FBXL20: variants seen among roughly 807,000 people sequenced by gnomAD.
FBXL20 encodes F-box/LRR-repeat protein 20.
FBXL20 carries 11 observed loss-of-function variants against 64.0 expected under a neutral mutation model. That is an observed-to-expected ratio of 0.17 (90% CI 0.11 to 0.28). The LOEUF (loss-of-function observed/expected upper bound fraction) is 0.28. Among genes scored for constraint, FBXL20 ranks in the 10% least tolerant of loss-of-function variants. The pLI, the probability that FBXL20 is intolerant of heterozygous loss-of-function variation, is 1.00. For synonymous variants in FBXL20, 184 were observed against 189.0 expected, an observed-to-expected ratio of 0.97 and a Z score of 0.22; for missense variants, 303 against 526.2, an observed-to-expected ratio of 0.58 and a Z score of 4.15.
At chr17:39,270,710 T>A in intron 11 of FBXL20, 86 bp downstream of exon 11, 2 of 1,171,794 alleles carry the variant, frequency 1.7e-6, no homozygotes, top group Non-Finnish European at 2.4e-6. Flanking sequence ...CCATTTCACA[T>A]TTCCCTTGCT....
At chr17:39,273,752 G>C (rs1026327159) in intron 10 of FBXL20, among the ~76,000 whole-genome samples, 1 of 151,532 alleles carries the variant, frequency 6.6e-6, no homozygotes, top group Non-Finnish European at 1.5e-5. Flanking sequence ...CCCAGGAGAC[G>C]GAGGTTGCAG....
At chr17:39,389,194 T>A (rs2048112720) in intron 1 of FBXL20, among the ~76,000 whole-genome samples, 1 of 150,050 alleles carries the variant, frequency 6.7e-6, no homozygotes, top group Admixed American at 6.7e-5. Flanking sequence ...GAATACTGAA[T>A]AATAATGAAG....
chr17:39,350,421 A>G (rs1236075481), intron 1 of FBXL20, among the ~76,000 whole-genome samples: 1 of 151,594 alleles, frequency 6.6e-6, no homozygotes, highest in African/African-American at 2.4e-5. Flanking sequence ...CCTGGAAGGC[A>G]GAGGTTGCAG....
chr17:39,377,664 C>T (rs1471815509), intron 1 of FBXL20, among the ~76,000 whole-genome samples: 3 of 152,044 alleles, frequency 2.0e-5, no homozygotes, highest in Non-Finnish European at 4.4e-5. Flanking sequence ...CCACGCCCGG[C>T]TAATTTTTTT....
intron 10 of FBXL20, among the ~76,000 whole-genome samples, chr17:39,272,186 A>C (rs2046849901): frequency 6.6e-6 from 1 of 152,014 alleles, no homozygotes. Context: ...GGAGATCGAG[A>C]CCAGCCTGGC....
In FBXL20 at chr17:39,258,574, G is replaced by A. The variant is rs750623505; in HGVS notation, c.*2886C>T. On this transcript the variant is annotated 3_prime_UTR_variant, in exon 15 of 15. Coordinates refer to ENST00000264658, the MANE Select transcript of FBXL20 (RefSeq NM_032875.3). The stretch of plus-strand genomic sequence containing the variant: ...GCAAGTCCCCATGGACCTGCCTGTG[G>A]GTATATCCTTTGAGCAGAGAAACAG... 4 of 152,114 alleles carry A rather than the reference G, an allele frequency of 2.6e-5. No individual in the cohort carries two copies. Among genetic ancestry groups the A allele is most frequent in the Non-Finnish European group, 4.4e-5 (3 of 68,020 alleles). The allele number at this position is 152,114 out of a possible 1,614,324, so 9.4% of individuals were successfully genotyped here.
At chr17:39,293,844 G>A (rs181470021) in intron 6 of FBXL20, among the ~76,000 whole-genome samples, 1 of 140,170 alleles carries the variant, frequency 7.1e-6, no homozygotes, top group Non-Finnish European at 1.5e-5. Context: ...TTTTTTTTTA[G>A]TAGCTTCCTC....
rs141150945 is a variant in FBXL20 at position 39,282,789 on chromosome 17, A to C, written c.561T>G (p.Ile187Met). ...CCCCACAGCCCCTCACTAGTGCTTGAATGCCATCCTTGGTTACTTGGTCAC... is the reference window on the plus strand; with the variant it reads ...CCCCACAGCCCCTCACTAGTGCTTGCATGCCATCCTTGGTTACTTGGTCAC... ...SWCDQVTKDGIQALVRGCGGL... is the reference protein window; with the variant it reads ...SWCDQVTKDGMQALVRGCGGL... The change falls in exon 8 of 15, where the codon ATT (isoleucine) becomes ATG (methionine). Residue 187 changes from isoleucine to methionine, a missense_variant. Coordinates refer to ENST00000264658, the MANE Select transcript of FBXL20 (RefSeq NM_032875.3). 8 of 1,614,004 alleles carry C rather than the reference A, an allele frequency of 5.0e-6. No individual in the cohort carries two copies. In the African/African-American group the frequency reaches 1.1e-4, roughly 22 times the overall value.
At position 39,318,622 on chromosome 17, in the gene FBXL20, C is replaced by T. The variant is rs960482722; in HGVS notation, c.105-14983G>A. 3.6e-4 allele frequency among the ~76,000 whole-genome samples: 54 copies of T among 152,102 alleles called. 1 individual carries two copies. Among genetic ancestry groups the T allele is most frequent in the Admixed American group, 3.3e-3 (51 of 15,256 alleles). On this transcript the variant is annotated intron_variant, in intron 2 of 14. Transcript: ENST00000264658. Reference sequence around the variant, plus strand: ...AGGCTTGGTGGCGCATGCCTGTAATCCTAGCTACTCAGGAGGTTGAGGCAA... The same window carrying T: ...AGGCTTGGTGGCGCATGCCTGTAATTCTAGCTACTCAGGAGGTTGAGGCAA...
chr17:39,282,247 T>C (rs965475995), intron 8 of FBXL20, among the ~76,000 whole-genome samples: 37 of 152,198 alleles, frequency 2.4e-4, no homozygotes, highest in African/African-American at 8.7e-4. Flanking sequence ...AAATTTTTAA[T>C]GACAAAATAT....
chr17:39,308,756 G>A (rs944696223), intron 2 of FBXL20, among the ~76,000 whole-genome samples: 1 of 151,640 alleles, frequency 6.6e-6, no homozygotes, highest in Admixed American at 6.6e-5. Context: ...CAGTAGAGAC[G>A]GGGTTTCACT....
At chr17:39,358,483 G>A (rs1257453756) in intron 1 of FBXL20, among the ~76,000 whole-genome samples, 4 of 152,258 alleles carry the variant, frequency 2.6e-5, no homozygotes, top group Non-Finnish European at 5.9e-5. Context: ...AGGAGTTTGA[G>A]ACCAGCCTGG....
chr17:39,297,400 T>C, intron 5 of FBXL20: 1 of 361,998 alleles, frequency 2.8e-6, no homozygotes. Context: ...AGTGATAGTA[T>C]CTTTTGTTAC....
At chr17:39,327,391 A>G (rs1042316772) in intron 2 of FBXL20, among the ~76,000 whole-genome samples, 7 of 152,194 alleles carry the variant, frequency 4.6e-5, no homozygotes, top group Non-Finnish European at 1.0e-4. Context: ...TTAAGTAAAC[A>G]TATTATGGAG....
At chr17:39,401,713 A>G (rs957906055), upstream of FBXL20, 1 of 1,034,140 alleles carries the variant, frequency 9.7e-7, no homozygotes, top group South Asian at 3.7e-5. Context: ...CGGGCCTCGG[A>G]GCGCCCGGGA....
chr17:39,283,420 C>T (rs2046964161), intron 7 of FBXL20, among the ~76,000 whole-genome samples: 1 of 151,660 alleles, frequency 6.6e-6, no homozygotes, highest in African/African-American at 2.4e-5. Context: ...GATTTTGAAG[C>T]ATTTCAGATT....
chr17:39,375,296 C>A (rs1195874734), intron 1 of FBXL20, among the ~76,000 whole-genome samples: 1 of 152,044 alleles, frequency 6.6e-6, no homozygotes, highest in Non-Finnish European at 1.5e-5. Context: ...AAATAAGGTA[C>A]TGGAGCTCTT....
At chr17:39,313,572 G>A (rs2047256704) in intron 2 of FBXL20, among the ~76,000 whole-genome samples, 1 of 152,012 alleles carries the variant, frequency 6.6e-6, no homozygotes, top group African/African-American at 2.4e-5. Context: ...AAGAATTGGT[G>A]GGGTAGGCTG....
chr17:39,266,282 C>T (rs1445128460), intron 12 of FBXL20, among the ~76,000 whole-genome samples: 8 of 147,498 alleles, frequency 5.4e-5, no homozygotes, highest in African/African-American at 1.0e-4. Context: ...TGTGGTGGCA[C>T]GATCTCAGCT....
Sources: allele counts gnomAD v4.1 joint callset (sites outside exome capture counted in the v4.1 genomes callset), GRCh38; gene constraint gnomAD v4.1.1; transcripts MANE v1.5; gene names NCBI Gene and HGNC (gene_info 2026-07-23, HGNC 2026-07-21).